The following TUBA1C variants were observed in gnomAD, a reference collection of about 807,000 sequenced individuals.
TUBA1C encodes tubulin alpha-1C chain.
In TUBA1C, 16 loss-of-function variants were observed where a neutral mutation model predicts 34.9. That is an observed-to-expected ratio of 0.46 (90% CI 0.31 to 0.70). TUBA1C has a LOEUF of 0.70. Among genes scored for constraint, TUBA1C ranks in the 30% least tolerant of loss-of-function variants. The pLI, the probability that TUBA1C is intolerant of heterozygous loss-of-function variation, is 0.05. For missense variants in TUBA1C, 329 were observed against 587.3 expected, an observed-to-expected ratio of 0.56 and a Z score of 4.55; for synonymous variants, 177 against 215.9, an observed-to-expected ratio of 0.82 and a Z score of 1.58.
At chr12:49,262,597 T>C (rs11168939), upstream of TUBA1C, among the ~76,000 whole-genome samples, 2,326 of 151,742 alleles carry the variant, frequency 0.015, 56 homozygotes, top group African/African-American at 0.053. Flanking sequence ...CTGACCAACA[T>C]GGTGAAACCC....
intron 3 of TUBA1C, 126 bp from the exon 4 acceptor site, chr12:49,272,127 C>T (rs1327659893): frequency 6.7e-7 from 1 of 1,484,198 alleles, no homozygotes; most frequent in Non-Finnish European, 9.0e-7. Flanking sequence ...TGCGCCTGGC[C>T]CAGAAGAGTT....
chr12:49,254,946 A>ATT (rs796839195), intron 1 of TUBA1C, among the ~76,000 whole-genome samples: 2 of 148,600 alleles, frequency 1.3e-5, no homozygotes, highest in Admixed American at 6.7e-5. Context: ...AAACACATAT[A>ATT]TTTTTTTTTT....
chr12:49,266,773 C>T (rs991253391), intron 1 of TUBA1C, among the ~76,000 whole-genome samples: 2 of 151,952 alleles, frequency 1.3e-5, no homozygotes. Flanking sequence ...CTTTTGATCC[C>T]GGGAGGTGGA....
chr12:49,262,727 C>G (rs1055530438), upstream of TUBA1C, among the ~76,000 whole-genome samples: 2 of 151,858 alleles, frequency 1.3e-5, no homozygotes, highest in Non-Finnish European at 2.9e-5. Flanking sequence ...TTGCAGTGAG[C>G]TGACATCATG....
At chr12:49,249,632 G>A (rs946434987) in intron 1 of TUBA1C, among the ~76,000 whole-genome samples, 1 of 152,170 alleles carries the variant, frequency 6.6e-6, no homozygotes, top group Non-Finnish European at 1.5e-5. Flanking sequence ...AGCAGAGGCA[G>A]GTGGATCACT....
exon 1 of TUBA1C, chr12:49,228,031 T>G (rs1310248622): frequency 1.3e-6 from 2 of 1,535,598 alleles, no homozygotes; most frequent in Admixed American, 3.9e-5. Flanking sequence ...ATCCTTCAAA[T>G]GGATCCTTTC....
chr12:49,254,716 T>G (rs1942765955), intron 1 of TUBA1C, among the ~76,000 whole-genome samples: 1 of 152,054 alleles, frequency 6.6e-6, no homozygotes, highest in South Asian at 2.1e-4. Context: ...ATGATCAGTT[T>G]TTAACTCAAT....
chr12:49,267,333 T>C (rs144383106), intron 1 of TUBA1C, among the ~76,000 whole-genome samples: 3 of 152,350 alleles, frequency 2.0e-5, no homozygotes, highest in Non-Finnish European at 4.4e-5. Context: ...CTCCAGCTTT[T>C]TGGGGCTTGG....
At chr12:49,247,861 T>C (rs745881500) in intron 1 of TUBA1C, among the ~76,000 whole-genome samples, 7 of 147,602 alleles carry the variant, frequency 4.7e-5, no homozygotes, top group Non-Finnish European at 9.0e-5. Flanking sequence ...AGTAGGAGAA[T>C]TGCTTGACCG....
chr12:49,237,748 A>AG (rs1410442134), intron 1 of TUBA1C, among the ~76,000 whole-genome samples: 5 of 149,248 alleles, frequency 3.4e-5, no homozygotes, highest in Middle Eastern at 3.4e-3. Flanking sequence ...AAAAAAAAAA[A>AG]AGAGAGAGAG....
chr12:49,266,720 G>A (rs868730352), intron 1 of TUBA1C, among the ~76,000 whole-genome samples: 3 of 152,108 alleles, frequency 2.0e-5, no homozygotes, highest in Middle Eastern at 6.8e-3. Context: ...GTCGTGGTGC[G>A]TGCCTGTAGT....
At chr12:49,267,273 T>C (rs989886791) in intron 1 of TUBA1C, among the ~76,000 whole-genome samples, 49 of 152,250 alleles carry the variant, frequency 3.2e-4, no homozygotes, top group African/African-American at 1.1e-3. Flanking sequence ...TCTTCTCAGA[T>C]ACTTTATCTC....
intron 1 of TUBA1C, among the ~76,000 whole-genome samples, chr12:49,239,646 GAA>G (rs879574051): frequency 4.3e-5 from 5 of 116,130 alleles, no homozygotes; most frequent in African/African-American, 1.2e-4. Flanking sequence ...GTCTCAAAAA[GAA>G]AAAAAAAAAA....
chr12:49,258,196 T>C (rs564065987), intron 1 of TUBA1C, among the ~76,000 whole-genome samples: 35 of 152,150 alleles, frequency 2.3e-4, no homozygotes, highest in African/African-American at 7.2e-4. Context: ...CTAAAGTTAA[T>C]TTATCATTGA....
chr12:49,271,118 A>G (rs2037640836), intron 3 of TUBA1C, among the ~76,000 whole-genome samples: 1 of 152,186 alleles, frequency 6.6e-6, no homozygotes, highest in Non-Finnish European at 1.5e-5. Context: ...TACCAAAACA[A>G]TTGCATTTGT....
upstream of TUBA1C, among the ~76,000 whole-genome samples, chr12:49,263,859 T>A (rs1264083259): frequency 1.3e-5 from 2 of 152,140 alleles, no homozygotes; most frequent in Non-Finnish European, 2.9e-5. Flanking sequence ...ACTTTCCTCA[T>A]CTGTAAACTA....
chr12:49,253,531 G>T (rs1233723763), intron 1 of TUBA1C, among the ~76,000 whole-genome samples: 1 of 151,850 alleles, frequency 6.6e-6, no homozygotes, highest in Admixed American at 6.6e-5. Flanking sequence ...GGGGGCGTGG[G>T]GAGGGGATAC....
At chr12:49,228,233 G>A in intron 1 of TUBA1C, 1 of 1,405,322 alleles carries the variant, frequency 7.1e-7, no homozygotes, top group Non-Finnish European at 9.6e-7. Context: ...GGTACTGTGT[G>A]CATGCAACTG....
At chr12:49,271,958 TAGCACTTAAA>T (rs1942996667) in intron 3 of TUBA1C, among the ~76,000 whole-genome samples, 1 of 151,668 alleles carries the variant, frequency 6.6e-6, no homozygotes, top group South Asian at 2.1e-4. Flanking sequence ...CTGAATCACT[TAGCACTTAAA>T]AGCTTTTTTT....
Sources: gnomAD v4.1 joint callset for allele counts (sites outside exome capture counted in the v4.1 genomes callset) on GRCh38, gnomAD v4.1.1 for gene constraint, MANE v1.5 for transcripts, NCBI Gene and HGNC (gene_info 2026-07-23, HGNC 2026-07-21) for gene names.